The following NLRP6 variants were observed in gnomAD, a reference collection of about 807,000 sequenced individuals.
NLRP6 encodes the protein NLR family pyrin domain containing 6, also known as NACHT, LRR and PYD domains-containing protein 6.
A neutral mutation model predicts 70.9 loss-of-function variants in NLRP6; 55 were observed. The ratio of observed to expected loss-of-function variants is 0.78; its 90% CI spans 0.62 to 0.97. The LOEUF (loss-of-function observed/expected upper bound fraction) is 0.97, where lower values mean the gene tolerates loss of function less well. Ranked by LOEUF, NLRP6 falls within the 50% of genes least tolerant of loss-of-function variation. The pLI, the probability that NLRP6 is intolerant of heterozygous loss-of-function variation, is 0.00. For missense variants in NLRP6, 1,241 were observed against 1,238.3 expected (o/e 1.00, Z -0.03); for synonymous variants, 652 against 581.9 (o/e 1.12, Z -1.73).
rs1845532716 is a variant in NLRP6 at position 284,643 on chromosome 11, G to A, written c.2537+1G>A. The stretch of plus-strand genomic sequence containing the variant: ...AGGGATGCGGCCTGCAGACCCTCAG[G>A]TGGAGGCAGGGGTGGGAAGGGTGCT... On this transcript the variant is annotated splice_donor_variant, in intron 7 of 7. Transcript: ENST00000534750. LOFTEE classifies it high-confidence loss of function. 1 of 1,600,940 alleles carries A rather than the reference G, an allele frequency of 6.2e-7. No homozygotes were observed. The highest frequency in any genetic ancestry group is 8.5e-7 in the Non-Finnish European group (1 of 1,177,024).
At position 280,228 on chromosome 11, in the gene NLRP6, C is replaced by T. The variant is rs569115158; in HGVS notation, c.494C>T (p.Pro165Leu). The T allele has an allele frequency of 1.0e-5, 16 of 1,543,212 alleles. No individual in the cohort carries two copies. The highest frequency in any genetic ancestry group is 6.9e-5 in the African/African-American group (5 of 72,046). The change falls in exon 4 of 8, where the codon CCC (proline) becomes CTC (leucine). Residue 165 changes from proline (P) to leucine (L), a missense_variant. Transcript: ENST00000534750. Reference protein sequence around the residue: ...ESAAPEEAMGPAEEPEPGRAR... With the variant: ...ESAAPEEAMGLAEEPEPGRAR... ...GCCGCCCCGGAGGAGGCGATGGGGCCCGCGGAAGAGCCTGAGCCGGGGCGC... is the reference window on the plus strand; with the variant it reads ...GCCGCCCCGGAGGAGGCGATGGGGCTCGCGGAAGAGCCTGAGCCGGGGCGC...
intron 5 of NLRP6, among the ~76,000 whole-genome samples, chr11:283,716 C>T (rs1347068241): frequency 6.6e-6 from 1 of 152,094 alleles, no homozygotes; most frequent in Non-Finnish European, 1.5e-5. Flanking sequence ...GATGGTGAAA[C>T]AGGTCCATCC....
chr11:279,422 GCGA>G lies in NLRP6; in HGVS notation c.128_130del (p.Asp43del). The G allele has an allele frequency of 7.3e-7, 1 of 1,367,842 alleles. No homozygotes were observed. The highest frequency in any genetic ancestry group is 9.4e-7 in the Non-Finnish European group (1 of 1,062,770). 84.7% of individuals were successfully genotyped at this position (1,367,842 alleles called of 1,614,324 possible). A position where few individuals can be genotyped will look rare whatever the true frequency, so the allele number is the denominator to read the frequency against. On this transcript the variant is annotated inframe_deletion, in exon 2 of 8. Coordinates refer to ENST00000534750, the MANE Select transcript of NLRP6 (RefSeq NM_001276700.2). ...CTGAAGCGCTTCCGCCACAAGCTGCGCGACGTGGGCCCGGACGGACGCAGCATC... is the reference window on the plus strand; with the variant it reads ...CTGAAGCGCTTCCGCCACAAGCTGCGCGTGGGCCCGGACGGACGCAGCATC...
intron 5 of NLRP6, among the ~76,000 whole-genome samples, chr11:283,471 G>T (rs151003489): frequency 1.3e-5 from 2 of 151,916 alleles, no homozygotes; most frequent in Non-Finnish European, 2.9e-5. Context: ...CCGCCACTAC[G>T]CCCGGCTAAT....
chr11:280,526 G>A lies in NLRP6; in HGVS notation c.792G>A (p.Val264=), dbSNP rs777103883. The A allele has an allele frequency of 6.4e-7, 1 of 1,564,038 alleles. No individual in the cohort carries two copies. Among genetic ancestry groups the A allele is most frequent in the Non-Finnish European group, 8.6e-7 (1 of 1,166,852 alleles). The part of the protein sequence containing the change: ...LDQCPDRGAP[V]PQMLAQPQRL... ...AGTGCCCCGACCGCGGCGCGCCGGT[G>A]CCGCAGATGCTGGCCCAGCCGCAGC... Residue 264 remains valine, a synonymous_variant, in exon 4 of 8, where the codon GTG becomes GTA. Coordinates refer to ENST00000534750, the MANE Select transcript of NLRP6 (RefSeq NM_001276700.2).
At chr11:285,098 C>T (rs1845539499) in intron 7 of NLRP6, 68 bp from the exon 8 acceptor site, 4 of 1,474,056 alleles carry the variant, frequency 2.7e-6, no homozygotes, top group Non-Finnish European at 3.7e-6. Context: ...GCCCCCACGG[C>T]ACTGCCCCCA....
rs1564832271 is a variant in NLRP6, at chr11:280,868, C to T, written c.1134C>T (p.Asn378=). 6.2e-7 allele frequency: 1 copy of T among 1,613,452 alleles called. No individual in the cohort carries two copies. The change falls in exon 4 of 8, where the codon AAC becomes AAT. Residue 378 remains asparagine (N), a synonymous_variant. Transcript: ENST00000534750. The part of the protein sequence containing the change: ...AERAYRFVKE[N]ETLFALCFVP... ...GCGCCTACCGCTTCGTGAAGGAGAACGAGACGCTGTTCGCGCTGTGCTTCG... is the reference window on the plus strand; with the variant it reads ...GCGCCTACCGCTTCGTGAAGGAGAATGAGACGCTGTTCGCGCTGTGCTTCG...
At chr11:283,256 G>A (rs955881488) in intron 5 of NLRP6, among the ~76,000 whole-genome samples, 4 of 151,568 alleles carry the variant, frequency 2.6e-5, no homozygotes, top group Admixed American at 6.6e-5. Context: ...GTGAAATGGA[G>A]CCAGTAGATC....
At chr11:284,700 A>T in intron 7 of NLRP6, 58 bp downstream of exon 7, 2 of 1,502,482 alleles carry the variant, frequency 1.3e-6, no homozygotes, top group Non-Finnish European at 1.8e-6. Context: ...GGGGAGGGGG[A>T]GGGTGCCTGG....
rs749219450 is a variant in NLRP6 at position 284,216 on chromosome 11, C to T, written c.2199-14C>T. The stretch of plus-strand genomic sequence containing the variant: ...AGGCGCCTGCAGGTAAATCTCTGTG[C>T]TTCTTGACCACAGGCTGTCCCACTG... On this transcript the variant is annotated splice_polypyrimidine_tract_variant and intron_variant, in intron 5 of 7. Coordinates refer to ENST00000534750, the MANE Select transcript of NLRP6 (RefSeq NM_001276700.2). The T allele has an allele frequency of 1.2e-5, 20 of 1,612,428 alleles. No individual in the cohort carries two copies. The highest frequency in any genetic ancestry group is 3.3e-5 in the Admixed American group (2 of 59,972).
Position 281,689 on chromosome 11 carries a change from G to A in NLRP6, c.1955G>A (p.Cys652Tyr), listed in dbSNP as rs1845481939. The change falls in exon 4 of 8, where the codon TGC (cysteine) becomes TAC (tyrosine). Residue 652 changes from cysteine (C) to tyrosine (Y), a missense_variant. Physicochemically the swap from Cys to Tyr is radical, Grantham distance 194 (BLOSUM62 -2). Transcript: ENST00000534750. ...CTGGCGCTGCAGCGAGTGCGCTTCTGCCGCATGGACGTGGCTGTTCTGAGC... is the reference window on the plus strand; with the variant it reads ...CTGGCGCTGCAGCGAGTGCGCTTCTACCGCATGGACGTGGCTGTTCTGAGC... ...PELALQRVRF[C>Y]RMDVAVLSYC... 2 of 1,613,370 alleles carry A rather than the reference G, an allele frequency of 1.2e-6. No individual in the cohort carries two copies. Among genetic ancestry groups the A allele is most frequent in the African/African-American group, 2.7e-5 (2 of 74,958 alleles).
At chr11:285,099 ACTGC>A in intron 7 of NLRP6, 63 bp from the exon 8 acceptor site, 1 of 1,484,852 alleles carries the variant, frequency 6.7e-7, no homozygotes, top group Non-Finnish European at 9.1e-7. Context: ...CCCCCACGGC[ACTGC>A]CCCCAAGCCC....
intron 1 of NLRP6, 148 bp from the exon 2 acceptor site, chr11:279,179 C>T: frequency 1.5e-6 from 1 of 680,934 alleles, no homozygotes; most frequent in Non-Finnish European, 2.1e-6. Flanking sequence ...CCCCGTTGCC[C>T]CCTCCCGCCA....
chr11:279,220 G>T, intron 1 of NLRP6, 107 bp from the exon 2 acceptor site: 3 of 967,670 alleles, frequency 3.1e-6, no homozygotes, highest in Non-Finnish European at 2.7e-6. Flanking sequence ...CTTGGCCCGG[G>T]ACTCCCTGAG....
rs527641430 is a variant in NLRP6 at position 279,217 on chromosome 11, C to T, written c.30-110C>T. On this transcript the variant is annotated intron_variant, in intron 1 of 7. Transcript: ENST00000534750. ...CCATGGATCCAGACGATGCTTGGCC[C>T]GGGACTCCCTGAGGCCCTGCCCGCG... 147 of 948,860 alleles carry T rather than the reference C, an allele frequency of 1.5e-4. No individual in the cohort carries two copies. In the African/African-American group the frequency reaches 2.4e-3, roughly 15 times the overall value. The allele number at this position is 948,860 out of a possible 1,614,324, so 58.8% of individuals were successfully genotyped here.
Position 278,954 on chromosome 11 carries a change from G to C in NLRP6, c.29+356G>C. 5.7e-6 allele frequency: 2 copies of C among 349,856 alleles called. No individual in the cohort carries two copies. The highest frequency in any genetic ancestry group is 4.5e-5 in the East Asian group (1 of 22,002). The allele number at this position is 349,856 out of a possible 1,614,324, so 21.7% of individuals were successfully genotyped here. On this transcript the variant is annotated intron_variant, in intron 1 of 7. Transcript: ENST00000534750. The surrounding 1 kb of genome is among the most constrained non-coding windows in gnomAD (Gnocchi z 4.7). ...GGAAAAGAAGGAAAGCGAGGAAAGA[G>C]AGCTCAGGGTTCCTTGGAAATACCT... is the stretch of plus-strand genomic sequence containing the variant.
Position 278,900 on chromosome 11 carries a change from C to T in NLRP6, c.29+302C>T, listed in dbSNP as rs1356536320. On this transcript the variant is annotated intron_variant, in intron 1 of 7. Coordinates refer to ENST00000534750, the MANE Select transcript of NLRP6 (RefSeq NM_001276700.2). This position sits in a 1 kb window ranked among gnomAD's most constrained non-coding sequence, Gnocchi z 4.7. ...CTGGCAGTGTCTGCTGCCAAAGAGG[C>T]CAGTTCTGCTCCGGGATCGGGAAGA... Among the ~76,000 whole-genome samples the T allele has an allele frequency of 6.6e-6, 1 of 152,160 alleles. No homozygotes were observed. Among genetic ancestry groups the T allele is most frequent in the Admixed American group, 6.5e-5 (1 of 15,284 alleles).
chr11:280,674 A>T lies in NLRP6; in HGVS notation c.940A>T (p.Lys314Ter). 1 of 1,552,822 alleles carries T rather than the reference A, an allele frequency of 6.4e-7. No homozygotes were observed. Among genetic ancestry groups the T allele is most frequent in the Non-Finnish European group, 8.7e-7 (1 of 1,154,772 alleles). Reference protein sequence around the residue: ...GARVLGGLLSKALLPTALLLV... With the variant: ...GARVLGGLLS ...GCGGGTGCTAGGCGGGCTGCTGAGC[A>T]AGGCGCTGCTGCCCACGGCCCTCCT... is the stretch of plus-strand genomic sequence containing the variant. The change falls in exon 4 of 8, where the codon AAG becomes TAG. Residue 314 changes from lysine (K) to a stop codon, truncating the protein, a stop_gained. Transcript: ENST00000534750. LOFTEE classifies it high-confidence loss of function.
Position 280,496 on chromosome 11 carries a change from G to C in NLRP6, c.762G>C (p.Leu254=). The C allele has an allele frequency of 6.3e-7, 1 of 1,586,446 alleles. No homozygotes were observed. The highest frequency in any genetic ancestry group is 1.1e-5 in the South Asian group (1 of 89,744). Residue 254 remains leucine, a synonymous_variant, in exon 4 of 8, where the codon CTG becomes CTC. Coordinates refer to ENST00000534750, the MANE Select transcript of NLRP6 (RefSeq NM_001276700.2). ...PGTRSLADLI[L]DQCPDRGAPV... ...CGCGCAGCCTGGCTGACCTGATCCTGGACCAGTGCCCCGACCGCGGCGCGC... is the reference window on the plus strand; with the variant it reads ...CGCGCAGCCTGGCTGACCTGATCCTCGACCAGTGCCCCGACCGCGGCGCGC...
Sources: gnomAD v4.1 joint callset for allele counts (sites outside exome capture counted in the v4.1 genomes callset) on GRCh38, gnomAD v4.1.1 for gene constraint, Gnocchi (gnomAD v3.1) non-coding constraint, MANE v1.5 for transcripts, NCBI Gene and HGNC (gene_info 2026-07-23, HGNC 2026-07-21) for gene names.